MYOM1: variants seen among roughly 807,000 people sequenced by gnomAD.
MYOM1 encodes myomesin 1, also known as myomesin-1.
Under a neutral mutation model 205.3 loss-of-function variants are expected in MYOM1, and 164 were observed. The observed-to-expected ratio is 0.80, with a 90% CI of 0.70 to 0.91. The LOEUF is 0.91. MYOM1 is among the 40% of genes least tolerant of loss of function. The pLI, the probability that MYOM1 is intolerant of heterozygous loss-of-function variation, is 0.00. For missense variants in MYOM1, 2,011 were observed against 2,127.3 expected (o/e 0.95, Z 1.08); for synonymous variants, 772 against 789.4 (o/e 0.98, Z 0.37).
At chr18:3,178,621 C>T (rs2080685037) in intron 5 of MYOM1, among the ~76,000 whole-genome samples, 1 of 152,192 alleles carries the variant, frequency 6.6e-6, no homozygotes, top group Non-Finnish European at 1.5e-5. Flanking sequence ...ATTTTCTACA[C>T]TTAAAACAAA....
intron 19 of MYOM1, among the ~76,000 whole-genome samples, chr18:3,121,976 A>T (rs935554267): frequency 6.6e-6 from 1 of 152,066 alleles, no homozygotes; most frequent in Non-Finnish European, 1.5e-5. Flanking sequence ...AAAATTAGCC[A>T]GGCGTGGTGG....
chr18:3,202,495 T>C (rs2081081006), intron 2 of MYOM1, among the ~76,000 whole-genome samples: 1 of 152,166 alleles, frequency 6.6e-6, no homozygotes, highest in Non-Finnish European at 1.5e-5. Context: ...AAAAAATATA[T>C]ACCATGCAAA....
At chr18:3,182,792 A>C (rs1328285305) in intron 5 of MYOM1, among the ~76,000 whole-genome samples, 12 of 152,106 alleles carry the variant, frequency 7.9e-5, no homozygotes, top group Admixed American at 7.9e-4. Flanking sequence ...TAAATTTTAA[A>C]ACTTTAATTT....
intron 13 of MYOM1, among the ~76,000 whole-genome samples, chr18:3,142,442 AT>A (rs530937710): frequency 7.9e-4 from 119 of 151,078 alleles, no homozygotes; most frequent in African/African-American, 2.8e-3. Flanking sequence ...AAAAAAAAAT[AT>A]TTTTTTTTGT....
At chr18:3,071,806 A>C in intron 37 of MYOM1, 28 bp downstream of exon 37, 2 of 1,583,296 alleles carry the variant, frequency 1.3e-6, no homozygotes, top group Non-Finnish European at 1.7e-6. Flanking sequence ...GTGCAGAAGG[A>C]GCAGGCACAG....
intron 2 of MYOM1, 146 bp from the exon 3 acceptor site, chr18:3,194,104 A>G (rs999884442): frequency 1.2e-6 from 1 of 858,550 alleles, no homozygotes; most frequent in Non-Finnish European, 1.7e-6. Flanking sequence ...TTAGAATTAA[A>G]GTAGAGTTAG....
intron 28 of MYOM1, 110 bp from the exon 29 acceptor site, chr18:3,089,351 T>C (rs2079193080): frequency 1.1e-6 from 1 of 940,098 alleles, no homozygotes; most frequent in Non-Finnish European, 1.6e-6. Flanking sequence ...TTTTTAAAAT[T>C]CTAGATTTAG....
intron 2 of MYOM1, among the ~76,000 whole-genome samples, chr18:3,199,804 C>A (rs1008121898): frequency 3.3e-5 from 5 of 151,930 alleles, no homozygotes; most frequent in Non-Finnish European, 5.9e-5. Flanking sequence ...CGTGCCACTG[C>A]ACTCCAGCCT....
At chr18:3,218,225 G>C (rs1409710063) in intron 1 of MYOM1, among the ~76,000 whole-genome samples, 1 of 152,148 alleles carries the variant, frequency 6.6e-6, no homozygotes, top group East Asian at 1.9e-4. Context: ...TTTTATAAAA[G>C]CTCCACCCCC....
At chr18:3,184,660 T>G (rs2080785588) in intron 5 of MYOM1, among the ~76,000 whole-genome samples, 1 of 152,216 alleles carries the variant, frequency 6.6e-6, no homozygotes, top group Non-Finnish European at 1.5e-5. Flanking sequence ...GTTGTTCGTT[T>G]GTTTTAATAT....
chr18:3,087,499 T>C (rs2079167817), intron 29 of MYOM1, among the ~76,000 whole-genome samples: 1 of 149,886 alleles, frequency 6.7e-6, no homozygotes, highest in Non-Finnish European at 1.5e-5. Flanking sequence ...TTTTTTTTTT[T>C]TTTTTTTTGA....
At chr18:3,136,033 G>A (rs148653283) in intron 14 of MYOM1, among the ~76,000 whole-genome samples, 2,627 of 152,228 alleles carry the variant, frequency 0.017, 64 homozygotes, top group African/African-American at 0.06. Context: ...CATGGGGGCG[G>A]TTTCCCCCAT....
At chr18:3,215,956 C>G (rs1598779723) in intron 1 of MYOM1, among the ~76,000 whole-genome samples, 1 of 152,158 alleles carries the variant, frequency 6.6e-6, no homozygotes, top group African/African-American at 2.4e-5. Flanking sequence ...GTGTGCCTGA[C>G]GCCATCCAGC....
intron 26 of MYOM1, 70 bp downstream of exon 26, chr18:3,094,100 C>A: frequency 6.6e-7 from 1 of 1,521,680 alleles, no homozygotes; most frequent in Non-Finnish European, 9.0e-7. Context: ...AACATATCCA[C>A]ATCCACATAA....
the MYOM1 span, chr18:3,246,130 T>C: frequency 6.6e-6 from 1 of 152,286 alleles, no homozygotes; most frequent in African/African-American, 2.4e-5. Context: ...AAGACTGAAC[T>C]GTCCGTTTCT....
At chr18:3,212,567 A>C (rs2081203898) in intron 2 of MYOM1, among the ~76,000 whole-genome samples, 1 of 152,246 alleles carries the variant, frequency 6.6e-6, no homozygotes, top group African/African-American at 2.4e-5. Flanking sequence ...CTTTAAAAAT[A>C]CAAATTCATA....
chr18:3,166,640 C>T (rs2080476473), intron 9 of MYOM1, among the ~76,000 whole-genome samples: 1 of 152,096 alleles, frequency 6.6e-6, no homozygotes, highest in African/African-American at 2.4e-5. Context: ...ATTACTTAAC[C>T]TCTCCGTGCC....
intron 3 of MYOM1, among the ~76,000 whole-genome samples, chr18:3,191,042 T>C (rs1348365044): frequency 1.3e-5 from 2 of 152,170 alleles, no homozygotes; most frequent in East Asian, 1.9e-4. Context: ...ACCCAGGCAA[T>C]AGGGATATTC....
intron 19 of MYOM1, among the ~76,000 whole-genome samples, chr18:3,125,697 A>C (rs2079770232): frequency 6.6e-6 from 1 of 152,214 alleles, no homozygotes; most frequent in Admixed American, 6.5e-5. Flanking sequence ...CCCTGCTCTG[A>C]ACCCTCATGG....
Sources: allele counts gnomAD v4.1 joint callset (sites outside exome capture counted in the v4.1 genomes callset), GRCh38; gene constraint gnomAD v4.1.1; transcripts MANE v1.5; gene names NCBI Gene and HGNC (gene_info 2026-07-23, HGNC 2026-07-21).